The following FCHO2 variants were observed in gnomAD, a reference collection of about 807,000 sequenced individuals.
The protein encoded by FCHO2 is FCH and mu domain containing endocytic adaptor 2, also known as F-BAR domain only protein 2.
Under a neutral mutation model 114.1 loss-of-function variants are expected in FCHO2, and 43 were observed. The ratio of observed to expected loss-of-function variants is 0.38; its 90% CI spans 0.30 to 0.49. The LOEUF is 0.49. Among genes scored for constraint, FCHO2 ranks in the 20% least tolerant of loss-of-function variants. The pLI, the probability that FCHO2 is intolerant of heterozygous loss-of-function variation, is 0.97. For missense variants in FCHO2, 807 were observed against 950.4 expected (o/e 0.85, Z 1.98); for synonymous variants, 293 against 315.2 (o/e 0.93, Z 0.75).
At chr5:72,976,553 G>A (rs1157555986) in intron 2 of FCHO2, among the ~76,000 whole-genome samples, 2 of 152,076 alleles carry the variant, frequency 1.3e-5, no homozygotes, top group East Asian at 1.9e-4. Flanking sequence ...ATCTTCTTTA[G>A]TGAGGTATCT....
At chr5:73,013,755 C>T (rs952087745) in intron 6 of FCHO2, among the ~76,000 whole-genome samples, 3 of 152,134 alleles carry the variant, frequency 2.0e-5, no homozygotes, top group African/African-American at 7.2e-5. Context: ...GCAATCTCCA[C>T]CTCTCAAGTT....
At chr5:73,033,527 T>TA in intron 8 of FCHO2, among the ~76,000 whole-genome samples, 1 of 152,228 alleles carries the variant, frequency 6.6e-6, no homozygotes, top group African/African-American at 2.4e-5. Flanking sequence ...TGTACATAGT[T>TA]AAGCTTCACA....
At chr5:72,979,414 C>T (rs1366115722) in intron 2 of FCHO2, among the ~76,000 whole-genome samples, 7 of 75,226 alleles carry the variant, frequency 9.3e-5, no homozygotes, top group African/African-American at 2.5e-4. Context: ...TTTTTTGAGA[C>T]GGAGTCTCGC....
At chr5:73,014,017 A>C (rs1755163087) in intron 6 of FCHO2, among the ~76,000 whole-genome samples, 1 of 151,896 alleles carries the variant, frequency 6.6e-6, no homozygotes, top group South Asian at 2.1e-4. Flanking sequence ...TTGTGAAGGC[A>C]AGGCAAGCAG....
At chr5:73,000,471 TA>T (rs759939269) in intron 5 of FCHO2, among the ~76,000 whole-genome samples, 12,130 of 74,402 alleles carry the variant, frequency 0.16, 717 homozygotes, top group Non-Finnish European at 0.18. Context: ...AACTCAGTCT[TA>T]AAAAAAAAAA....
intron 22 of FCHO2, among the ~76,000 whole-genome samples, chr5:73,080,822 T>G (rs1743067896): frequency 1.3e-5 from 2 of 152,152 alleles, no homozygotes; most frequent in African/African-American, 4.8e-5. Flanking sequence ...ATCAGTAATA[T>G]TCTATGGGCT....
chr5:72,993,634 T>G (rs1489640118), intron 5 of FCHO2, among the ~76,000 whole-genome samples: 2 of 152,188 alleles, frequency 1.3e-5, no homozygotes, highest in African/African-American at 4.8e-5. Context: ...TCATGGTTGG[T>G]AAGATAGCTT....
At chr5:73,045,177 T>C (rs924440870) in intron 11 of FCHO2, among the ~76,000 whole-genome samples, 17 of 152,216 alleles carry the variant, frequency 1.1e-4, no homozygotes, top group African/African-American at 4.1e-4. Context: ...AACTGAAATA[T>C]TGACACTAAT....
At chr5:73,085,655 G>T (rs1295578346) in intron 24 of FCHO2, among the ~76,000 whole-genome samples, 2 of 151,834 alleles carry the variant, frequency 1.3e-5, no homozygotes, top group African/African-American at 4.8e-5. Context: ...CGTGCCTGTA[G>T]TCCCAGTTAC....
chr5:73,050,962 A>C, intron 11 of FCHO2: 1 of 217,326 alleles, frequency 4.6e-6, no homozygotes, highest in Non-Finnish European at 8.9e-6. Context: ...GCTTATAGCA[A>C]TAAGAATATT....
intron 11 of FCHO2, among the ~76,000 whole-genome samples, chr5:73,042,364 TA>T (rs1756844269): frequency 1.3e-5 from 2 of 152,282 alleles, no homozygotes; most frequent in Admixed American, 6.5e-5. Flanking sequence ...GCATTATTTT[TA>T]TGCATTTTAT....
intron 2 of FCHO2, among the ~76,000 whole-genome samples, chr5:72,977,658 A>G (rs543634367): frequency 2.0e-5 from 3 of 152,238 alleles, no homozygotes; most frequent in South Asian, 2.1e-4. Flanking sequence ...TTTTGTTGCC[A>G]TTGCTTGTGG....
At chr5:73,067,079 C>T (rs1742385034) in intron 18 of FCHO2, among the ~76,000 whole-genome samples, 1 of 151,860 alleles carries the variant, frequency 6.6e-6, no homozygotes, top group Admixed American at 6.6e-5. Context: ...TATGCTGTGT[C>T]TTCAAAATTT....
intron 20 of FCHO2, among the ~76,000 whole-genome samples, chr5:73,075,341 G>A (rs1742862872): frequency 1.3e-5 from 2 of 152,168 alleles, no homozygotes; most frequent in Non-Finnish European, 2.9e-5. Flanking sequence ...AAGCCATGCA[G>A]ATATCTGAGG....
At chr5:73,009,240 T>C (rs1231990468) in intron 6 of FCHO2, among the ~76,000 whole-genome samples, 1 of 152,234 alleles carries the variant, frequency 6.6e-6, no homozygotes, top group Non-Finnish European at 1.5e-5. Flanking sequence ...CTTCAGCAAG[T>C]GCTGTTTTGT....
At chr5:73,083,892 C>CAAA (rs765390330) in intron 24 of FCHO2, among the ~76,000 whole-genome samples, 4 of 79,244 alleles carry the variant, frequency 5.0e-5, no homozygotes, top group Non-Finnish European at 7.5e-5. Context: ...GACTCTGTCT[C>CAAA]AAAAAAAAAA....
intron 8 of FCHO2, among the ~76,000 whole-genome samples, chr5:73,029,088 G>A (rs1756094174): frequency 6.6e-6 from 1 of 152,110 alleles, no homozygotes; most frequent in Non-Finnish European, 1.5e-5. Context: ...GTTATCTTGT[G>A]GTAGTAGACT....
rs1743395345 is a variant in FCHO2 at position 73,088,812 on chromosome 5, GATTTA to G, written c.*728_*732del. 2.0e-5 allele frequency: 3 copies of G among 152,558 alleles called. No individual in the cohort carries two copies. Among genetic ancestry groups the G allele is most frequent in the East Asian group, 1.9e-4 (1 of 5,180 alleles). 9.5% of individuals were successfully genotyped at this position (152,558 alleles called of 1,614,324 possible). A position where few individuals can be genotyped will look rare whatever the true frequency, so the allele number is the denominator to read the frequency against. ...ATTTTTTTGATGAATTAATGCTGTA[GATTTA>G]ATTTATTTTTATATGGAATTGCATA... On this transcript the variant is annotated 3_prime_UTR_variant, in exon 26 of 26. Coordinates refer to ENST00000430046, the MANE Select transcript of FCHO2 (RefSeq NM_138782.3).
At chr5:73,009,153 G>A (rs1754865386) in intron 6 of FCHO2, among the ~76,000 whole-genome samples, 1 of 152,156 alleles carries the variant, frequency 6.6e-6, no homozygotes, top group Admixed American at 6.5e-5. Flanking sequence ...AAGGGTTTAG[G>A]TAGTTGTCTT....
Sources: allele counts gnomAD v4.1 joint callset (sites outside exome capture counted in the v4.1 genomes callset), GRCh38; gene constraint gnomAD v4.1.1; transcripts MANE v1.5; gene names NCBI Gene and HGNC (gene_info 2026-07-23, HGNC 2026-07-21).